C6orf141: variants seen among roughly 807,000 people sequenced by gnomAD.
C6orf141 encodes chromosome 6 open reading frame 141.
For missense variants in C6orf141, 361 were observed against 335.8 expected, an observed-to-expected ratio of 1.07 and a Z score of -0.59; for synonymous variants, 164 against 140.5, an observed-to-expected ratio of 1.17 and a Z score of -1.18.
chr6:49,554,433 T>A (rs1368010511), downstream of C6orf141, among the ~76,000 whole-genome samples: 5 of 151,570 alleles, frequency 3.3e-5, no homozygotes, highest in African/African-American at 1.2e-4. Flanking sequence ...CAGGCTGGAG[T>A]GCAGTGGCAC....
At chr6:49,552,142 C>T (rs1365362340), downstream of C6orf141, 1 of 169,442 alleles carries the variant, frequency 5.9e-6, no homozygotes, top group African/African-American at 2.4e-5. Flanking sequence ...ATTCCATTTA[C>T]AAAGGCTTTA....
chr6:49,558,074 T>TTTGTTTTTTTTTTGTTTTTTTTTTTTG (rs1561996272), intron 4 of C6orf141, among the ~76,000 whole-genome samples: 2 of 141,302 alleles, frequency 1.4e-5, no homozygotes, highest in African/African-American at 5.3e-5. Flanking sequence ...TTTTTTTTTT[T>TTTGTTTTTTTTTTGTTTTTTTTTTTTG]TTTTTTTTTA....
In C6orf141 at chr6:49,550,684, C is replaced by T; in HGVS notation, c.-109C>T. 1 of 1,008,096 alleles carries T rather than the reference C, an allele frequency of 9.9e-7. No individual in the cohort carries two copies. Among genetic ancestry groups the T allele is most frequent in the Non-Finnish European group, 1.4e-6 (1 of 717,782 alleles). The allele number at this position is 1,008,096 out of a possible 1,614,324, so 62.4% of individuals were successfully genotyped here. A position where few individuals can be genotyped will look rare whatever the true frequency, so the allele number is the denominator to read the frequency against. ...GGCTGATCTAGTCTTCAGCTTTCAC[C>T]GGCTGGGAGTCCGGAGCTGCAGCAG... is the stretch of plus-strand genomic sequence containing the variant. On this transcript the variant is annotated 5_prime_UTR_variant, in exon 1 of 1. Coordinates refer to ENST00000529246, the MANE Select transcript of C6orf141 (RefSeq NM_001145652.2).
downstream of C6orf141, among the ~76,000 whole-genome samples, chr6:49,555,663 C>T (rs1771765691): frequency 6.6e-6 from 1 of 152,176 alleles, no homozygotes; most frequent in African/African-American, 2.4e-5. Flanking sequence ...CGCTCGCCAT[C>T]ACGCCCGGCT....
intron 4 of C6orf141, chr6:49,561,605 A>G (rs767864970): frequency 2.6e-5 from 4 of 152,200 alleles, no homozygotes; most frequent in Non-Finnish European, 4.4e-5. Flanking sequence ...AGCAAAATGT[A>G]TTATTTTTGA....
Position 49,551,282 on chromosome 6 carries a change from G to A in C6orf141, c.490G>A (p.Asp164Asn), listed in dbSNP as rs541718542. Residue 164 changes from aspartate (D) to asparagine (N), a missense_variant, in exon 1 of 1, where the codon GAT becomes AAT. Asp to Asn is a conservative substitution (Grantham distance 23, BLOSUM62 1). Transcript: ENST00000529246. ...PPKYVLVRVEDYQVTQEVLQT... is the reference protein window; with the variant it reads ...PPKYVLVRVENYQVTQEVLQT... ...CAAATACGTGCTTGTGCGGGTGGAGGATTATCAGGTAACACAAGAAGTGTT... is the reference window on the plus strand; with the variant it reads ...CAAATACGTGCTTGTGCGGGTGGAGAATTATCAGGTAACACAAGAAGTGTT... 4 of 1,551,720 alleles carry A rather than the reference G, an allele frequency of 2.6e-6. No individual in the cohort carries two copies. Among genetic ancestry groups the A allele is most frequent in the East Asian group, 4.9e-5 (2 of 40,906 alleles).
chr6:49,553,508 G>T (rs1581898381), downstream of C6orf141, among the ~76,000 whole-genome samples: 1 of 152,316 alleles, frequency 6.6e-6, no homozygotes, highest in East Asian at 1.9e-4. Context: ...TTTCAGACCT[G>T]AGCTTATTAA....
Position 49,551,130 on chromosome 6 carries a change from C to T in C6orf141, c.338C>T (p.Ala113Val). ...GDPAREEVAG[A>V]EDLPHAGGED... ...CCTGCACGGGAAGAGGTGGCCGGTGCAGAGGACCTTCCTCATGCGGGTGGA... is the reference window on the plus strand; with the variant it reads ...CCTGCACGGGAAGAGGTGGCCGGTGTAGAGGACCTTCCTCATGCGGGTGGA... The change falls in exon 1 of 1, where the codon GCA (alanine) becomes GTA (valine). Residue 113 changes from alanine to valine, a missense_variant. By Grantham distance (64) the Ala-to-Val change is moderately conservative. Coordinates refer to ENST00000529246, the MANE Select transcript of C6orf141 (RefSeq NM_001145652.2). 1 of 1,551,728 alleles carries T rather than the reference C, an allele frequency of 6.4e-7. No individual in the cohort carries two copies. Among genetic ancestry groups the T allele is most frequent in the Admixed American group, 2.0e-5 (1 of 51,010 alleles).
In C6orf141 at chr6:49,551,694, C is replaced by G; in HGVS notation, c.*167C>G. On this transcript the variant is annotated 3_prime_UTR_variant, in exon 1 of 1. Coordinates refer to ENST00000529246, the MANE Select transcript of C6orf141 (RefSeq NM_001145652.2). ...AAGAACTGTAAGCAGCATAATACCT[C>G]CTTTGTGGCTTGAATTCCTTCGCTG... The G allele has an allele frequency of 2.1e-6, 3 of 1,439,696 alleles. No homozygotes were observed. In the South Asian group the frequency reaches 4.8e-5, roughly 23 times the overall value. The allele number at this position is 1,439,696 out of a possible 1,614,324, so 89.2% of individuals were successfully genotyped here. A position where few individuals can be genotyped will look rare whatever the true frequency, so the allele number is the denominator to read the frequency against.
chr6:49,557,717 C>T lies in C6orf141; in HGVS notation c.*763+2560C>T, dbSNP rs556742937. On this transcript the variant is annotated intron_variant and NMD_transcript_variant, in intron 4 of 4. Transcript: ENST00000371194. ...TCAGTCTCTGTGGGAGGGTGGAAGC[C>T]CAGCTTCTCAAAGTGCCAATCAGCA... 3.3e-5 allele frequency among the ~76,000 whole-genome samples: 5 copies of T among 152,132 alleles called. No homozygotes were observed. The South Asian group carries it at 1.0e-3, about 32-fold the overall frequency.
rs914004554 is a variant in C6orf141, at chr6:49,552,067, A to G, written c.*540A>G. On this transcript the variant is annotated 3_prime_UTR_variant, in exon 1 of 1. Transcript: ENST00000529246. ...TTTCTCCCCCACATTTCAGTGTTAG[A>G]AAGAAAACGAGAGGAGCTAGGGAAA... is the stretch of plus-strand genomic sequence containing the variant. 4.1e-6 allele frequency: 2 copies of G among 482,410 alleles called. No homozygotes were observed. Among genetic ancestry groups the G allele is most frequent in the Non-Finnish European group, 5.6e-6 (2 of 357,410 alleles). 29.9% of individuals were successfully genotyped at this position (482,410 alleles called of 1,614,324 possible). A position where few individuals can be genotyped will look rare whatever the true frequency, so the allele number is the denominator to read the frequency against.
At chr6:49,556,081 C>T (rs1437218286), downstream of C6orf141, among the ~76,000 whole-genome samples, 1 of 152,116 alleles carries the variant, frequency 6.6e-6, no homozygotes, top group South Asian at 2.1e-4. Flanking sequence ...TTCTGTGAAA[C>T]GGCAGCGTGG....
Position 49,550,669 on chromosome 6 carries a change from G to T in C6orf141, c.-124G>T. 1 of 877,404 alleles carries T rather than the reference G, an allele frequency of 1.1e-6. No homozygotes were observed. The highest frequency in any genetic ancestry group is 2.2e-5 in the South Asian group (1 of 46,262). 54.4% of individuals were successfully genotyped at this position (877,404 alleles called of 1,614,324 possible). A position where few individuals can be genotyped will look rare whatever the true frequency, so the allele number is the denominator to read the frequency against. On this transcript the variant is annotated 5_prime_UTR_variant, in exon 1 of 1. Transcript: ENST00000529246. ...ACGCGGTTAGCCTGGGGCTGATCTA[G>T]TCTTCAGCTTTCACCGGCTGGGAGT...
At chr6:49,558,365 A>G (rs557776927) in intron 4 of C6orf141, among the ~76,000 whole-genome samples, 169 of 149,040 alleles carry the variant, frequency 1.1e-3, no homozygotes, top group Middle Eastern at 6.8e-3. Context: ...AACTTCTTAC[A>G]TGATTAGTTT....
At chr6:49,561,176 C>T (rs1176733105) in intron 4 of C6orf141, among the ~76,000 whole-genome samples, 4 of 151,572 alleles carry the variant, frequency 2.6e-5, no homozygotes, top group African/African-American at 9.7e-5. Flanking sequence ...CAGCTCACTG[C>T]AACCTCTGCC....
At position 49,551,332 on chromosome 6, in the gene C6orf141, C is replaced by G; in HGVS notation, c.540C>G (p.Arg180=). 4 of 1,551,688 alleles carry G rather than the reference C, an allele frequency of 2.6e-6. No homozygotes were observed. The highest frequency in any genetic ancestry group is 3.5e-6 in the Non-Finnish European group (4 of 1,146,998). The change falls in exon 1 of 1, where the codon CGC becomes CGG. Residue 180 remains arginine, a synonymous_variant. Transcript: ENST00000529246. ...EVLQTSWAKG[R]MTTRTEEHFV... ...TGCAGACCTCCTGGGCCAAGGGTCG[C>G]ATGACCACGAGGACTGAGGAGCACT...
At chr6:49,555,138 C>G (rs796903973), downstream of C6orf141, 1 of 152,156 alleles carries the variant, frequency 6.6e-6, no homozygotes, top group Non-Finnish European at 1.5e-5. Context: ...ATGTCAGAAT[C>G]GCATAACCCC....
intron 4 of C6orf141, among the ~76,000 whole-genome samples, chr6:49,557,188 G>T (rs1224409465): frequency 2.6e-5 from 4 of 152,162 alleles, no homozygotes; most frequent in Non-Finnish European, 4.4e-5. Flanking sequence ...GGAGGAGGAG[G>T]TTGCAGTGAG....
chr6:49,559,149 T>C (rs1772715956), intron 4 of C6orf141, among the ~76,000 whole-genome samples: 1 of 135,734 alleles, frequency 7.4e-6, no homozygotes, highest in Non-Finnish European at 1.6e-5. Context: ...TTACCATATA[T>C]GATCTGGTCA....
Sources: allele counts gnomAD v4.1 joint callset (sites outside exome capture counted in the v4.1 genomes callset), GRCh38; gene constraint gnomAD v4.1.1; transcripts MANE v1.5; gene names NCBI Gene and HGNC (gene_info 2026-07-23, HGNC 2026-07-21).